The following DCC variants were observed in gnomAD, a reference collection of about 807,000 sequenced individuals.
DCC encodes the protein netrin receptor DCC.
DCC carries 58 observed loss-of-function variants against 172.5 expected under a neutral mutation model. The ratio of observed to expected loss-of-function variants is 0.34; its 90% confidence interval spans 0.27 to 0.42. DCC has a LOEUF of 0.42. Among genes scored for constraint, DCC ranks in the 10% least tolerant of loss-of-function variants. The pLI, the probability that DCC is intolerant of heterozygous loss-of-function variation, is 1.00. For synonymous variants in DCC, 709 were observed against 644.5 expected (o/e 1.10, Z -1.52); for missense variants, 1,740 against 1,791.0 (o/e 0.97, Z 0.51).
chr18:52,817,481 T>C (rs564770011), intron 2 of DCC, among the ~76,000 whole-genome samples: 7 of 152,230 alleles, frequency 4.6e-5, no homozygotes, highest in African/African-American at 1.4e-4. Flanking sequence ...TTTGTAAATA[T>C]TTTGCTACCT....
At chr18:52,677,595 A>G (rs2144983151) in intron 1 of DCC, among the ~76,000 whole-genome samples, 2 of 152,272 alleles carry the variant, frequency 1.3e-5, no homozygotes, top group Middle Eastern at 3.4e-3. Context: ...TTACTGGTAA[A>G]GAAGGAAGAA....
chr18:52,516,798 A>G (rs2144658658), intron 1 of DCC, among the ~76,000 whole-genome samples: 1 of 152,254 alleles, frequency 6.6e-6, no homozygotes, highest in Middle Eastern at 3.4e-3. Context: ...TTGTCTTTTG[A>G]GAAGTAAGTT....
chr18:52,952,278 A>C (rs1285476686), intron 5 of DCC, among the ~76,000 whole-genome samples: 1 of 152,226 alleles, frequency 6.6e-6, no homozygotes. Flanking sequence ...AACACTAAAA[A>C]TAACTTCAAA....
intron 1 of DCC, among the ~76,000 whole-genome samples, chr18:52,410,130 A>T (rs2144400782): frequency 6.6e-6 from 1 of 152,244 alleles, no homozygotes; most frequent in East Asian, 1.9e-4. Flanking sequence ...TTCCCCTTCA[A>T]AAACGGTATT....
chr18:53,158,588 G>T lies in DCC; in HGVS notation c.1418+1076G>T, dbSNP rs113225112. On this transcript the variant is annotated intron_variant, in intron 8 of 28. Transcript: ENST00000442544. ...TCTGGTGCTCAGGTGGTGCAGTACAGCTCCTCACCTGCTGGGTCTCAAAAT... is the reference window on the plus strand; with the variant it reads ...TCTGGTGCTCAGGTGGTGCAGTACATCTCCTCACCTGCTGGGTCTCAAAAT... 7.9e-3 allele frequency among the ~76,000 whole-genome samples: 1,210 copies of T among 152,286 alleles called. 17 individuals are homozygous for T. Among genetic ancestry groups the T allele is most frequent in the African/African-American group, 0.027 (1,127 of 41,566 alleles).
intron 2 of DCC, among the ~76,000 whole-genome samples, chr18:52,905,609 A>T (rs1490540006): frequency 6.6e-6 from 1 of 152,218 alleles, no homozygotes; most frequent in Non-Finnish European, 1.5e-5. Context: ...TCATGACTTC[A>T]TAATCCTTTG....
At chr18:53,350,294 C>A (rs1334098400) in intron 15 of DCC, among the ~76,000 whole-genome samples, 1 of 152,148 alleles carries the variant, frequency 6.6e-6, no homozygotes, top group East Asian at 1.9e-4. Flanking sequence ...TAGAATTTAG[C>A]ATTGCCATAG....
intron 1 of DCC, among the ~76,000 whole-genome samples, chr18:52,711,616 G>A (rs138874701): frequency 6.6e-6 from 1 of 152,258 alleles, no homozygotes; most frequent in Non-Finnish European, 1.5e-5. Flanking sequence ...TTAGATGTTG[G>A]GGAAGGAAAT....
chr18:53,452,725 T>A (rs2045428992), intron 23 of DCC, among the ~76,000 whole-genome samples: 1 of 152,220 alleles, frequency 6.6e-6, no homozygotes, highest in Non-Finnish European at 1.5e-5. Flanking sequence ...TTTTCCTCAC[T>A]GCACTCTCAA....
At chr18:52,947,768 G>A (rs952964426) in intron 5 of DCC, among the ~76,000 whole-genome samples, 3 of 152,156 alleles carry the variant, frequency 2.0e-5, no homozygotes, top group Non-Finnish European at 4.4e-5. Flanking sequence ...GGCTGCCTGG[G>A]TTCCTTGAAG....
At chr18:53,504,563 C>G (rs1300079623) in intron 27 of DCC, among the ~76,000 whole-genome samples, 6 of 152,106 alleles carry the variant, frequency 3.9e-5, no homozygotes, top group African/African-American at 1.4e-4. Context: ...TCACTCCTAA[C>G]AGAATTAGGA....
At chr18:52,484,738 A>C (rs1333196514) in intron 1 of DCC, among the ~76,000 whole-genome samples, 1 of 151,786 alleles carries the variant, frequency 6.6e-6, no homozygotes, top group East Asian at 1.9e-4. Context: ...CACCTATCAA[A>C]CCACCATGGC....
intron 21 of DCC, among the ~76,000 whole-genome samples, chr18:53,433,957 T>C (rs1478526613): frequency 6.6e-6 from 1 of 152,234 alleles, no homozygotes; most frequent in Non-Finnish European, 1.5e-5. Context: ...TGACTTGATA[T>C]CAAAAGAATT....
intron 1 of DCC, among the ~76,000 whole-genome samples, chr18:52,722,325 A>C (rs1406377245): frequency 6.6e-6 from 1 of 152,228 alleles, no homozygotes; most frequent in South Asian, 2.1e-4. Flanking sequence ...GCTAACTTCC[A>C]TCTGTGGCAG....
intron 5 of DCC, among the ~76,000 whole-genome samples, chr18:53,025,511 A>G (rs931824364): frequency 2.6e-5 from 4 of 152,136 alleles, no homozygotes; most frequent in African/African-American, 9.7e-5. Context: ...ACTAGTAAAC[A>G]TAAGATTCAA....
intron 3 of DCC, among the ~76,000 whole-genome samples, chr18:52,915,203 T>A (rs1211865838): frequency 6.6e-6 from 1 of 152,138 alleles, no homozygotes; most frequent in South Asian, 2.1e-4. Flanking sequence ...AATAACTGTT[T>A]AGGGAAATGG....
chr18:52,365,762 A>G (rs1020842698), intron 1 of DCC, among the ~76,000 whole-genome samples: 1 of 152,338 alleles, frequency 6.6e-6, no homozygotes, highest in African/African-American at 2.4e-5. Context: ...AGGGTCAGAT[A>G]GTTAATATTT....
At chr18:53,181,996 T>C (rs1291911378) in intron 9 of DCC, among the ~76,000 whole-genome samples, 6 of 152,236 alleles carry the variant, frequency 3.9e-5, no homozygotes, top group Non-Finnish European at 7.3e-5. Flanking sequence ...ATGTCTATGC[T>C]TTATATATCA....
At chr18:52,798,063 G>A (rs145428629) in intron 2 of DCC, among the ~76,000 whole-genome samples, 25 of 151,388 alleles carry the variant, frequency 1.7e-4, no homozygotes, top group Admixed American at 7.9e-4. Context: ...TTGCTTGCAC[G>A]AAGGTTGCTT....
Sources: allele counts gnomAD v4.1 joint callset (sites outside exome capture counted in the v4.1 genomes callset), GRCh38; gene constraint gnomAD v4.1.1; transcripts MANE v1.5; gene names NCBI Gene and HGNC (gene_info 2026-07-23, HGNC 2026-07-21).